Variants in BICD1 observed in about 807,000 individuals in gnomAD.
The protein encoded by BICD1 is protein bicaudal D homolog 1.
Under a neutral mutation model 92.5 loss-of-function variants are expected in BICD1, and 35 were observed. The ratio of observed to expected loss-of-function variants is 0.38; its 90% CI spans 0.29 to 0.50. The LOEUF is 0.50. BICD1 is among the 20% of genes least tolerant of loss of function. The probability of loss-of-function intolerance (pLI) is 0.93; values close to 1 mark genes in which losing one functional copy is unlikely to be tolerated. For missense variants in BICD1, 950 were observed against 1,189.8 expected, an observed-to-expected ratio of 0.80 and a Z score of 2.97; for synonymous variants, 429 against 465.1, an observed-to-expected ratio of 0.92 and a Z score of 1.00.
At chr12:32,121,683 C>T (rs1942155569) in intron 1 of BICD1, among the ~76,000 whole-genome samples, 1 of 152,060 alleles carries the variant, frequency 6.6e-6, no homozygotes, top group Admixed American at 6.6e-5. Flanking sequence ...CTGCAGACAG[C>T]CAAGATCGCA....
At chr12:32,293,721 A>G (rs1175198103) in intron 2 of BICD1, among the ~76,000 whole-genome samples, 2 of 152,114 alleles carry the variant, frequency 1.3e-5, no homozygotes, top group Non-Finnish European at 2.9e-5. Flanking sequence ...ACTGTTTCCA[A>G]TTTTTTGTGT....
chr12:32,265,211 C>T (rs923494585), intron 2 of BICD1, among the ~76,000 whole-genome samples: 7 of 152,070 alleles, frequency 4.6e-5, no homozygotes, highest in Non-Finnish European at 1.0e-4. Context: ...AGAGATTAGT[C>T]TTACAAGGCC....
intron 9 of BICD1, among the ~76,000 whole-genome samples, chr12:32,375,947 C>T (rs1188725040): frequency 6.6e-6 from 1 of 152,120 alleles, no homozygotes; most frequent in East Asian, 1.9e-4. Flanking sequence ...ATTGTTCTCT[C>T]AAACATCACT....
At chr12:32,250,040 T>C (rs1243049768) in intron 2 of BICD1, among the ~76,000 whole-genome samples, 2 of 151,854 alleles carry the variant, frequency 1.3e-5, no homozygotes, top group African/African-American at 2.4e-5. Context: ...ACAAGAAGCA[T>C]ATTATTATGT....
At chr12:32,356,633 A>C (rs973951483) in intron 8 of BICD1, among the ~76,000 whole-genome samples, 7 of 130,592 alleles carry the variant, frequency 5.4e-5, no homozygotes, top group Admixed American at 5.0e-4. Context: ...ACTCCATCTC[A>C]AAAAAAAAAG....
At chr12:32,273,500 A>G (rs1217272320) in intron 2 of BICD1, among the ~76,000 whole-genome samples, 1 of 152,158 alleles carries the variant, frequency 6.6e-6, no homozygotes, top group Non-Finnish European at 1.5e-5. Flanking sequence ...CATGCATGAT[A>G]TCTGTTTTCA....
intron 3 of BICD1, among the ~76,000 whole-genome samples, chr12:32,301,419 C>T (rs10844170): frequency 0.17 from 25,403 of 151,870 alleles, 2,723 homozygotes; most frequent in African/African-American, 0.3. Flanking sequence ...AGTCACAGGG[C>T]AGGAGCAGTG....
chr12:32,213,015 A>G (rs1460126019), intron 1 of BICD1, among the ~76,000 whole-genome samples: 1 of 152,252 alleles, frequency 6.6e-6, no homozygotes, highest in Non-Finnish European at 1.5e-5. Flanking sequence ...CAGCTTCCCC[A>G]GATGTTACCA....
At chr12:32,274,686 A>G (rs1301823764) in intron 2 of BICD1, among the ~76,000 whole-genome samples, 1 of 152,218 alleles carries the variant, frequency 6.6e-6, no homozygotes, top group Non-Finnish European at 1.5e-5. Context: ...GATAACAATA[A>G]TCTGATTAGC....
At chr12:32,179,376 C>T (rs1425142502) in intron 1 of BICD1, among the ~76,000 whole-genome samples, 12 of 151,862 alleles carry the variant, frequency 7.9e-5, no homozygotes. Flanking sequence ...ATGAAGTGTA[C>T]ATTACAAAGA....
intron 1 of BICD1, among the ~76,000 whole-genome samples, chr12:32,115,938 C>G (rs1941874844): frequency 6.6e-6 from 1 of 152,072 alleles, no homozygotes; most frequent in African/African-American, 2.4e-5. Flanking sequence ...TTACGTTATC[C>G]CTTCTTTGCC....
chr12:32,264,184 T>G (rs1946932487), intron 2 of BICD1, among the ~76,000 whole-genome samples: 1 of 152,250 alleles, frequency 6.6e-6, no homozygotes, highest in African/African-American at 2.4e-5. Flanking sequence ...AATTATTATG[T>G]ACTAAATACT....
At chr12:32,275,968 G>C (rs1947264398) in intron 2 of BICD1, among the ~76,000 whole-genome samples, 1 of 152,090 alleles carries the variant, frequency 6.6e-6, no homozygotes, top group African/African-American at 2.4e-5. Flanking sequence ...CACGAGGCTT[G>C]CCACCATCTT....
chr12:32,295,300 G>A (rs2261336), intron 3 of BICD1, among the ~76,000 whole-genome samples: 71,810 of 151,834 alleles, frequency 0.47, 17,715 homozygotes, highest in Middle Eastern at 0.56. Flanking sequence ...CAGTTGAATC[G>A]AGTAGTTAAT....
intron 2 of BICD1, among the ~76,000 whole-genome samples, chr12:32,225,622 T>TG (rs996184370): frequency 4.6e-4 from 4 of 8,776 alleles, no homozygotes; most frequent in African/African-American, 1.7e-3. Flanking sequence ...TTTTTTTCTG[T>TG]TTTTTTTTTT....
intron 3 of BICD1, among the ~76,000 whole-genome samples, chr12:32,302,423 G>A (rs1184987016): frequency 6.6e-6 from 1 of 152,164 alleles, no homozygotes; most frequent in Non-Finnish European, 1.5e-5. Context: ...GAGCCCACTA[G>A]AGTACAGAAT....
At chr12:32,331,218 A>G (rs1359646665) in intron 5 of BICD1, among the ~76,000 whole-genome samples, 1 of 152,188 alleles carries the variant, frequency 6.6e-6, no homozygotes, top group Non-Finnish European at 1.5e-5. Context: ...TAATTTGTGA[A>G]CAAGCATTCA....
intron 3 of BICD1, 60 bp downstream of exon 3, chr12:32,294,206 G>T: frequency 1.4e-6 from 2 of 1,454,482 alleles, no homozygotes; most frequent in Non-Finnish European, 1.9e-6. Context: ...TGACCACTAG[G>T]GTTAAATCTC....
chr12:32,240,012 T>C (rs1019989927), intron 2 of BICD1, among the ~76,000 whole-genome samples: 19 of 152,160 alleles, frequency 1.2e-4, no homozygotes, highest in African/African-American at 3.9e-4. Flanking sequence ...CACTAGAAAA[T>C]AAAAATTTCA....
Sources: allele counts gnomAD v4.1 joint callset (sites outside exome capture counted in the v4.1 genomes callset), GRCh38; gene constraint gnomAD v4.1.1; transcripts MANE v1.5; gene names NCBI Gene and HGNC (gene_info 2026-07-23, HGNC 2026-07-21).